RPTOR: variants seen among roughly 807,000 people sequenced by gnomAD.
The protein encoded by RPTOR is regulatory-associated protein of mTOR.
A neutral mutation model predicts 169.9 loss-of-function variants in RPTOR; 21 were observed. The observed-to-expected ratio is 0.12, with a 90% CI of 0.09 to 0.18. The LOEUF (loss-of-function observed/expected upper bound fraction) is 0.18. RPTOR is among the 10% of genes least tolerant of loss of function. RPTOR has a pLI of 1.00. For missense variants in RPTOR, 1,133 were observed against 1,855.9 expected (o/e 0.61, Z 7.16); for synonymous variants, 732 against 753.2 (o/e 0.97, Z 0.46).
At chr17:80,905,916 A>G (rs1272994620) in intron 20 of RPTOR, among the ~76,000 whole-genome samples, 2 of 152,172 alleles carry the variant, frequency 1.3e-5, no homozygotes, top group Non-Finnish European at 2.9e-5. Flanking sequence ...GAGGGTTCTC[A>G]TATAAGGCCA....
intron 5 of RPTOR, among the ~76,000 whole-genome samples, chr17:80,738,124 A>T (rs2143238428): frequency 6.6e-6 from 1 of 152,258 alleles, no homozygotes; most frequent in East Asian, 1.9e-4. Flanking sequence ...CCCATGGAGG[A>T]TGAGGTCCAC....
chr17:80,666,215 A>G (rs1241980411), intron 3 of RPTOR, among the ~76,000 whole-genome samples: 1 of 150,044 alleles, frequency 6.7e-6, no homozygotes, highest in Non-Finnish European at 1.5e-5. Flanking sequence ...TTTCTCCTTG[A>G]TATTATCTAA....
chr17:80,940,280 T>G, intron 24 of RPTOR: 1 of 504,702 alleles, frequency 2.0e-6, no homozygotes, highest in Admixed American at 3.7e-5. Flanking sequence ...TTACACAGCG[T>G]TGACACTGTG....
At chr17:80,955,375 A>G (rs1374321268) in intron 28 of RPTOR, among the ~76,000 whole-genome samples, 2 of 152,250 alleles carry the variant, frequency 1.3e-5, no homozygotes, top group Non-Finnish European at 2.9e-5. Flanking sequence ...CTGATGCCAT[A>G]TAGAAAAGGA....
intron 21 of RPTOR, among the ~76,000 whole-genome samples, chr17:80,915,107 G>A (rs912103129): frequency 9.2e-5 from 14 of 152,206 alleles, no homozygotes; most frequent in African/African-American, 2.6e-4. Flanking sequence ...CTGAGCAGAC[G>A]TTGGGAAAAC....
intron 13 of RPTOR, among the ~76,000 whole-genome samples, chr17:80,864,391 C>T (rs2014853): frequency 0.015 from 1,833 of 125,550 alleles, 76 homozygotes; most frequent in African/African-American, 0.053. Context: ...AGTTTCTTCT[C>T]ACAGATTTCC....
chr17:80,750,274 A>G (rs984252123), intron 5 of RPTOR, among the ~76,000 whole-genome samples: 3 of 152,190 alleles, frequency 2.0e-5, no homozygotes, highest in Admixed American at 6.5e-5. Context: ...GTAAAGGGCC[A>G]TTTCCTCCCA....
intron 9 of RPTOR, among the ~76,000 whole-genome samples, chr17:80,824,853 G>A (rs975110229): frequency 5.9e-5 from 9 of 152,262 alleles, no homozygotes; most frequent in African/African-American, 1.7e-4. Flanking sequence ...ATTGGAGTCC[G>A]TGGTCAAAGA....
At position 80,855,375 on chromosome 17, in the gene RPTOR, G is replaced by A. The variant is rs117667445; in HGVS notation, c.1315-89G>A. ...GACAGATCTGAACTGTGGTCAGACC[G>A]CTCCAAAGCTGGCAGCTCATGCAGC... On this transcript the variant is annotated intron_variant, in intron 11 of 33. Coordinates refer to ENST00000306801, the MANE Select transcript of RPTOR (RefSeq NM_020761.3). 1,152 of 939,454 alleles carry A rather than the reference G, an allele frequency of 1.2e-3. 13 individuals are homozygous for A. In the East Asian group the frequency reaches 0.027, roughly 22 times the overall value. The allele number at this position is 939,454 out of a possible 1,614,324, so 58.2% of individuals were successfully genotyped here.
At chr17:80,864,511 A>C (rs75817578) in intron 13 of RPTOR, among the ~76,000 whole-genome samples, 1 of 151,588 alleles carries the variant, frequency 6.6e-6, no homozygotes, top group African/African-American at 2.4e-5. Context: ...ACAGAGAAAG[A>C]GAAAAAACTG....
At chr17:80,618,113 T>C (rs2065326481) in intron 1 of RPTOR, among the ~76,000 whole-genome samples, 1 of 152,094 alleles carries the variant, frequency 6.6e-6, no homozygotes, top group Non-Finnish European at 1.5e-5. Flanking sequence ...CCCGAGTAGC[T>C]GGGACCATAA....
intron 20 of RPTOR, among the ~76,000 whole-genome samples, chr17:80,895,916 C>T (rs1479329633): frequency 6.6e-6 from 1 of 152,200 alleles, no homozygotes; most frequent in Non-Finnish European, 1.5e-5. Flanking sequence ...TTGTAATCAG[C>T]ATTCATCACA....
chr17:80,735,380 G>C (rs918672594), intron 5 of RPTOR, among the ~76,000 whole-genome samples: 2 of 152,140 alleles, frequency 1.3e-5, no homozygotes, highest in South Asian at 4.2e-4. Context: ...TATAGTCATC[G>C]TACACAGTAT....
chr17:80,799,787 C>T (rs561256204), intron 7 of RPTOR, among the ~76,000 whole-genome samples: 97 of 152,250 alleles, frequency 6.4e-4, no homozygotes, highest in Non-Finnish European at 9.9e-4. Flanking sequence ...CCCTCCCCGG[C>T]GACCCTCGTT....
rs74001166 is a variant in RPTOR at position 80,962,903 on chromosome 17, G to C, written c.3810-25G>C. ...CATCCTCAAAGAAGAGGGCAGTGAT[G>C]CCGGGACCCTTTCTCTCCCCACAGT... On this transcript the variant is annotated intron_variant, in intron 32 of 33. Coordinates refer to ENST00000306801, the MANE Select transcript of RPTOR (RefSeq NM_020761.3). 5.2e-3 allele frequency: 8,365 copies of C among 1,613,100 alleles called. 417 individuals are homozygous for C. The African/African-American group carries it at 0.099, about 19-fold the overall frequency.
chr17:80,781,349 A>G (rs12452137), intron 6 of RPTOR, among the ~76,000 whole-genome samples: 41,444 of 152,128 alleles, frequency 0.27, 5,814 homozygotes, highest in African/African-American at 0.33. Context: ...TCGTAGGGTC[A>G]GCTCGTGGCT....
chr17:80,570,478 T>C (rs2064892596), intron 1 of RPTOR, among the ~76,000 whole-genome samples: 1 of 152,160 alleles, frequency 6.6e-6, no homozygotes, highest in Non-Finnish European at 1.5e-5. Flanking sequence ...TTTATCTTTT[T>C]GAGACAGAGT....
chr17:80,869,252 C>T (rs763237614), intron 13 of RPTOR, among the ~76,000 whole-genome samples: 32 of 152,068 alleles, frequency 2.1e-4, no homozygotes, highest in Admixed American at 9.2e-4. Flanking sequence ...CTCCGCCTCC[C>T]GGGTTCAAGC....
At position 80,923,630 on chromosome 17, in the gene RPTOR, A is replaced by G. The variant is rs1280517804; in HGVS notation, c.2765A>G (p.Gln922Arg). Residue 922 changes from glutamine to arginine, a missense_variant, in exon 23 of 34, where the codon CAG becomes CGG. This residue lies in a region of RPTOR where 410 missense variants were observed against 623.7 expected (regional missense o/e 0.66). Coordinates refer to ENST00000306801, the MANE Select transcript of RPTOR (RefSeq NM_020761.3). ...GCGCAGTACACCCCTCACTCCCACC[A>G]GTTCCCCCGGACACGGAAGATGTTC... ...AGAQYTPHSH[Q>R]FPRTRKMFDK... is the part of the protein sequence containing the mutation. The G allele has an allele frequency of 1.2e-6, 2 of 1,610,402 alleles. No individual in the cohort carries two copies. Among genetic ancestry groups the G allele is most frequent in the East Asian group, 2.2e-5 (1 of 44,762 alleles).
Sources: allele counts gnomAD v4.1 joint callset (sites outside exome capture counted in the v4.1 genomes callset), GRCh38; gene constraint gnomAD v4.1.1; regional missense constraint gnomAD v4.1.1; transcripts MANE v1.5; gene names NCBI Gene and HGNC (gene_info 2026-07-23, HGNC 2026-07-21).